OR2C1: variants seen among roughly 807,000 people sequenced by gnomAD.
The protein encoded by OR2C1 is olfactory receptor 2C1.
For missense variants in OR2C1, 468 were observed against 388.3 expected, an observed-to-expected ratio of 1.21 and a Z score of -1.73; for synonymous variants, 209 against 167.3, an observed-to-expected ratio of 1.25 and a Z score of -1.92.
the OR2C1 span, among the ~76,000 whole-genome samples, chr16:3,327,617 G>A: frequency 2.0e-5 from 3 of 150,908 alleles, no homozygotes; most frequent in South Asian, 2.1e-4. Context: ...CTAGATGCCC[G>A]TGATGATCCC....
At chr16:3,335,231 T>C in the OR2C1 span, among the ~76,000 whole-genome samples, 1 of 152,222 alleles carries the variant, frequency 6.6e-6, no homozygotes, top group Non-Finnish European at 1.5e-5. Flanking sequence ...ATTGGCATTT[T>C]GATAGAGATT....
chr16:3,328,457 GCTCATTCATTCATT>G, the OR2C1 span, among the ~76,000 whole-genome samples: 1 of 152,172 alleles, frequency 6.6e-6, no homozygotes, highest in Non-Finnish European at 1.5e-5. Context: ...TACGCTGTGT[GCTCATTCATTCATT>G]CAACATTGGG....
At chr16:3,349,834 G>A in the OR2C1 span, among the ~76,000 whole-genome samples, 1 of 151,584 alleles carries the variant, frequency 6.6e-6, no homozygotes, top group Non-Finnish European at 1.5e-5. Flanking sequence ...CCCAGGAGGC[G>A]GAGGTTGCAG....
the OR2C1 span, among the ~76,000 whole-genome samples, chr16:3,338,987 T>C: frequency 4.2e-3 from 633 of 152,314 alleles, 4 homozygotes; most frequent in African/African-American, 0.015. Context: ...AAGAAATTCC[T>C]TATTTGTTAG....
At chr16:3,328,274 A>G in the OR2C1 span, among the ~76,000 whole-genome samples, 7 of 152,228 alleles carry the variant, frequency 4.6e-5, no homozygotes, top group African/African-American at 1.7e-4. Context: ...ACTTAGCCAA[A>G]CAAGAGTTCT....
chr16:3,325,193 G>C, the OR2C1 span, among the ~76,000 whole-genome samples: 1 of 151,986 alleles, frequency 6.6e-6, no homozygotes, highest in African/African-American at 2.4e-5. Context: ...TGTTGGCCAG[G>C]CTGGTCTTGA....
At chr16:3,329,213 C>CACACACAG in the OR2C1 span, among the ~76,000 whole-genome samples, 2 of 150,434 alleles carry the variant, frequency 1.3e-5, no homozygotes, top group African/African-American at 4.9e-5. Flanking sequence ...CACACACACA[C>CACACACAG]AGCTTAGCTA....
At chr16:3,326,476 G>T in the OR2C1 span, among the ~76,000 whole-genome samples, 1 of 152,174 alleles carries the variant, frequency 6.6e-6, no homozygotes, top group Admixed American at 6.5e-5. Flanking sequence ...AGAAGATATG[G>T]TTCAGTGCCC....
the OR2C1 span, among the ~76,000 whole-genome samples, chr16:3,336,062 A>G: frequency 6.6e-6 from 1 of 152,186 alleles, no homozygotes; most frequent in African/African-American, 2.4e-5. Context: ...GGTTTGTCAT[A>G]TATGGACTTT....
chr16:3,352,738 C>CT (rs56083973), upstream of OR2C1, among the ~76,000 whole-genome samples: 782 of 113,106 alleles, frequency 6.9e-3, 17 homozygotes, highest in African/African-American at 0.024. Context: ...TTCTTTCTTT[C>CT]TTTTTTTTTT....
chr16:3,349,428 A>G, the OR2C1 span, among the ~76,000 whole-genome samples: 2 of 151,998 alleles, frequency 1.3e-5, no homozygotes, highest in South Asian at 4.2e-4. Flanking sequence ...ACCCAGTGCT[A>G]CTCCAGGGCC....
the OR2C1 span, among the ~76,000 whole-genome samples, chr16:3,347,012 A>C: frequency 5.3e-5 from 8 of 150,068 alleles, 1 homozygote; most frequent in East Asian, 1.6e-3. Context: ...TGGGAGGCTG[A>C]GGTGGGCAGA....
At chr16:3,323,119 C>G in the OR2C1 span, 75 of 528,988 alleles carry the variant, frequency 1.4e-4, no homozygotes, top group Non-Finnish European at 2.2e-4. Flanking sequence ...TAAAAAAAAT[C>G]TCAAAAAAAC....
Position 3,356,255 on chromosome 16 carries a change from T to G in OR2C1, c.315T>G (p.Leu105=). 1 of 1,614,098 alleles carries G rather than the reference T, an allele frequency of 6.2e-7. No individual in the cohort carries two copies. Among genetic ancestry groups the G allele is most frequent in the Non-Finnish European group, 8.5e-7 (1 of 1,180,040 alleles). ...GGCITQLYVF[L]WLGATECILL... ...GCATAACCCAGCTCTATGTCTTCCTTTGGCTGGGGGCCACCGAGTGCATCC... is the reference window on the plus strand; with the variant it reads ...GCATAACCCAGCTCTATGTCTTCCTGTGGCTGGGGGCCACCGAGTGCATCC... Residue 105 remains leucine (L), a synonymous_variant, in exon 1 of 1, where the codon CTT becomes CTG. Coordinates refer to ENST00000304936, the MANE Select transcript of OR2C1 (RefSeq NM_012368.3).
the OR2C1 span, among the ~76,000 whole-genome samples, chr16:3,346,923 C>A: frequency 6.6e-6 from 1 of 150,942 alleles, no homozygotes; most frequent in Non-Finnish European, 1.5e-5. Flanking sequence ...TAAGCCACCA[C>A]CCCTGGCCTC....
the OR2C1 span, among the ~76,000 whole-genome samples, chr16:3,327,512 T>C: frequency 6.6e-6 from 1 of 151,862 alleles, no homozygotes; most frequent in East Asian, 1.9e-4. Context: ...GATGGCTTTG[T>C]AAGAAGACCC....
At chr16:3,339,068 T>C in the OR2C1 span, among the ~76,000 whole-genome samples, 2 of 152,166 alleles carry the variant, frequency 1.3e-5, no homozygotes, top group Non-Finnish European at 2.9e-5. Context: ...GTCCTATGGG[T>C]TTAAATATTC....
rs370403045 is a variant in OR2C1, at chr16:3,356,807, C to T, written c.867C>T (p.Ile289=). 1 of 1,614,012 alleles carries T rather than the reference C, an allele frequency of 6.2e-7. No individual in the cohort carries two copies. The highest frequency in any genetic ancestry group is 1.3e-5 in the African/African-American group (1 of 74,936). The change falls in exon 1 of 1, where the codon ATC becomes ATT. Residue 289 remains isoleucine, a synonymous_variant. Transcript: ENST00000304936. ...TCACACCCATGGTGAATCCCCTCAT[C>T]TACACGCTGCGGAACATGGAAGTGA... The part of the protein sequence containing the change: ...SLVTPMVNPL[I]YTLRNMEVKG...
upstream of OR2C1, among the ~76,000 whole-genome samples, chr16:3,351,009 T>A (rs2030563935): frequency 7.5e-6 from 1 of 134,156 alleles, no homozygotes. Context: ...CACTCCAGCC[T>A]GGGTGACACA....
Sources: gnomAD v4.1 joint callset for allele counts (sites outside exome capture counted in the v4.1 genomes callset) on GRCh38, gnomAD v4.1.1 for gene constraint, MANE v1.5 for transcripts, NCBI Gene and HGNC (gene_info 2026-07-23, HGNC 2026-07-21) for gene names.